BBS9: variants seen among roughly 807,000 people sequenced by gnomAD.
The protein encoded by BBS9 is protein PTHB1.
Under a neutral mutation model 117.7 loss-of-function variants are expected in BBS9, and 89 were observed. That is an observed-to-expected ratio of 0.76 (90% CI 0.64 to 0.90). The LOEUF (loss-of-function observed/expected upper bound fraction) is 0.90, where lower values mean the gene tolerates loss of function less well. Ranked by LOEUF, BBS9 falls within the 40% of genes least tolerant of loss-of-function variation. The pLI is 0.00. For missense variants in BBS9, 982 were observed against 1,042.2 expected (o/e 0.94, Z 0.80); for synonymous variants, 379 against 370.9 (o/e 1.02, Z -0.25).
At chr7:33,595,858 C>A (rs1862664610) in intron 21 of BBS9, among the ~76,000 whole-genome samples, 1 of 152,106 alleles carries the variant, frequency 6.6e-6, no homozygotes, top group Non-Finnish European at 1.5e-5. Flanking sequence ...TGAATGAGAT[C>A]ATGTCCTTTA....
intron 6 of BBS9, among the ~76,000 whole-genome samples, chr7:33,260,130 G>T (rs1019298019): frequency 6.6e-6 from 1 of 151,796 alleles, no homozygotes; most frequent in Non-Finnish European, 1.5e-5. Flanking sequence ...CTCCCAAGTA[G>T]CTGGGACTAC....
At chr7:33,383,640 A>G (rs1825481130) in intron 17 of BBS9, 26 bp from the exon 18 acceptor site, 2 of 1,581,808 alleles carry the variant, frequency 1.3e-6, no homozygotes, top group South Asian at 1.1e-5. Flanking sequence ...GTTACTAAGC[A>G]TTTTTCCTTA....
chr7:33,229,130 A>G (rs1471185741), intron 5 of BBS9, among the ~76,000 whole-genome samples: 2 of 152,168 alleles, frequency 1.3e-5, no homozygotes, highest in Non-Finnish European at 2.9e-5. Flanking sequence ...AAAGATTACT[A>G]TAGTGAAACA....
intron 19 of BBS9, among the ~76,000 whole-genome samples, chr7:33,395,339 A>G (rs746627228): frequency 1.6e-4 from 25 of 152,178 alleles, no homozygotes; most frequent in Non-Finnish European, 3.4e-4. Flanking sequence ...TAAATTCTCT[A>G]TTTTATTATA....
chr7:33,527,035 G>A (rs1037292592), intron 20 of BBS9, among the ~76,000 whole-genome samples: 3 of 151,572 alleles, frequency 2.0e-5, no homozygotes, highest in Non-Finnish European at 4.4e-5. Context: ...CCCCTGTTGG[G>A]GGGTGCCTCC....
At chr7:33,205,539 C>T (rs939168242) in intron 5 of BBS9, among the ~76,000 whole-genome samples, 6 of 152,048 alleles carry the variant, frequency 3.9e-5, no homozygotes, top group South Asian at 2.1e-4. Flanking sequence ...AGTGGGAAAC[C>T]GATACTTTAG....
chr7:33,449,829 C>T (rs1012367278), intron 19 of BBS9, among the ~76,000 whole-genome samples: 4 of 152,070 alleles, frequency 2.6e-5, no homozygotes, highest in Non-Finnish European at 5.9e-5. Context: ...TCCATCCCGC[C>T]CTCCCTTTTT....
intron 9 of BBS9, among the ~76,000 whole-genome samples, chr7:33,290,253 C>T (rs1260272290): frequency 6.6e-6 from 1 of 152,090 alleles, no homozygotes; most frequent in African/African-American, 2.4e-5. Context: ...CTTTCCAAAA[C>T]CTTAGCAACG....
At chr7:33,161,183 C>T (rs755784989) in intron 4 of BBS9, among the ~76,000 whole-genome samples, 6 of 151,976 alleles carry the variant, frequency 3.9e-5, no homozygotes, top group Non-Finnish European at 8.8e-5. Flanking sequence ...AGGTTTGTTA[C>T]ATAGGTATAC....
intron 5 of BBS9, among the ~76,000 whole-genome samples, chr7:33,184,203 A>G (rs1049630375): frequency 1.3e-5 from 2 of 152,122 alleles, no homozygotes; most frequent in Admixed American, 1.3e-4. Context: ...GAAGCTAGAG[A>G]AAGACCCACC....
chr7:33,201,376 A>G, intron 5 of BBS9, among the ~76,000 whole-genome samples: 1 of 150,702 alleles, frequency 6.6e-6, no homozygotes, highest in African/African-American at 2.4e-5. Context: ...TTTATTGTTA[A>G]TTTTTTTTTC....
chr7:33,265,256 A>G (rs972069903), intron 7 of BBS9, among the ~76,000 whole-genome samples: 2 of 152,208 alleles, frequency 1.3e-5, no homozygotes, highest in African/African-American at 4.8e-5. Context: ...TTTCTGTATT[A>G]GGATACAGAA....
intron 5 of BBS9, among the ~76,000 whole-genome samples, chr7:33,193,620 G>A (rs1459168527): frequency 1.3e-5 from 2 of 151,966 alleles, no homozygotes; most frequent in East Asian, 1.9e-4. Context: ...CTGTTTTGAC[G>A]GTTGGATATC....
At chr7:33,328,602 G>A (rs1584345706) in intron 9 of BBS9, among the ~76,000 whole-genome samples, 2 of 152,058 alleles carry the variant, frequency 1.3e-5, no homozygotes, top group East Asian at 3.9e-4. Context: ...TACTATTTAG[G>A]GTTTTAAGAT....
At chr7:33,308,965 G>T (rs959848395) in intron 9 of BBS9, among the ~76,000 whole-genome samples, 3 of 152,098 alleles carry the variant, frequency 2.0e-5, no homozygotes, top group African/African-American at 7.2e-5. Flanking sequence ...TTGCTTTTTG[G>T]CACAAGGAAA....
intron 1 of BBS9, among the ~76,000 whole-genome samples, chr7:33,135,745 A>G (rs1562650384): frequency 6.6e-6 from 1 of 152,224 alleles, no homozygotes; most frequent in Admixed American, 6.5e-5. Context: ...TAGGGATTGC[A>G]TTGAATCTGT....
At chr7:33,139,102 A>G (rs1791041444) in intron 1 of BBS9, among the ~76,000 whole-genome samples, 1 of 150,974 alleles carries the variant, frequency 6.6e-6, no homozygotes, top group Admixed American at 6.6e-5. Context: ...AAAATACAAA[A>G]TTAGCTGGGC....
intron 10 of BBS9, among the ~76,000 whole-genome samples, chr7:33,340,167 C>G (rs1816216301): frequency 6.6e-6 from 1 of 151,858 alleles, no homozygotes; most frequent in South Asian, 2.1e-4. Flanking sequence ...ACCCAAGATC[C>G]TAGTTTCACT....
intron 5 of BBS9, among the ~76,000 whole-genome samples, chr7:33,212,453 A>G (rs1788208260): frequency 6.6e-6 from 1 of 152,040 alleles, no homozygotes; most frequent in African/African-American, 2.4e-5. Flanking sequence ...ATCTGATCGG[A>G]TTCTGAATTC....
Sources: gnomAD v4.1 joint callset for allele counts (sites outside exome capture counted in the v4.1 genomes callset) on GRCh38, gnomAD v4.1.1 for gene constraint, MANE v1.5 for transcripts, NCBI Gene and HGNC (gene_info 2026-07-23, HGNC 2026-07-21) for gene names.